The following RBM34 variants were observed in gnomAD, a reference collection of about 807,000 sequenced individuals.
The protein encoded by RBM34 is RNA-binding protein 34.
RBM34 carries 39 observed loss-of-function variants against 44.6 expected under a neutral mutation model. The ratio of observed to expected loss-of-function variants is 0.87; its 90% CI spans 0.68 to 1.14. The LOEUF (loss-of-function observed/expected upper bound fraction) is 1.14, where lower values mean the gene tolerates loss of function less well. RBM34 is among the 50% of genes most tolerant of loss of function. The pLI, the probability that RBM34 is intolerant of heterozygous loss-of-function variation, is 0.00. For missense variants in RBM34, 572 were observed against 517.9 expected, an observed-to-expected ratio of 1.10 and a Z score of -1.01; for synonymous variants, 194 against 184.0, an observed-to-expected ratio of 1.05 and a Z score of -0.44.
Position 235,138,094 on chromosome 1 carries a change from T to C in RBM34, c.782A>G (p.Lys261Arg). The C allele has an allele frequency of 6.2e-7, 1 of 1,604,624 alleles. No individual in the cohort carries two copies. Among genetic ancestry groups the C allele is most frequent in the Non-Finnish European group, 8.5e-7 (1 of 1,174,920 alleles). Residue 261 changes from lysine (K) to arginine (R), a missense_variant, in exon 7 of 11, where the codon AAA becomes AGA. By Grantham distance (26) the Lys-to-Arg change is conservative (BLOSUM62 2). Coordinates refer to ENST00000408888, the MANE Select transcript of RBM34 (RefSeq NM_015014.4). ...KEESAATQALKRNGAQIADGF... is the reference protein window; with the variant it reads ...KEESAATQALRRNGAQIADGF... ...CAAACCTAAGGGATAAAATTACCTTTTCAATGCTTGCGTGGCAGCACTCTC... is the reference window on the plus strand; with the variant it reads ...CAAACCTAAGGGATAAAATTACCTTCTCAATGCTTGCGTGGCAGCACTCTC...
chr1:235,148,742 G>A (rs1457220641), intron 5 of RBM34, among the ~76,000 whole-genome samples: 2 of 151,926 alleles, frequency 1.3e-5, no homozygotes, highest in Non-Finnish European at 2.9e-5. Flanking sequence ...GGGACTACAG[G>A]CGCCCGCCAC....
rs1399874062 is a variant in RBM34 at position 235,155,074 on chromosome 1, A to T, written c.404T>A (p.Ile135Asn). The stretch of plus-strand genomic sequence containing the variant: ...CCTTTTCTGCCCTTGTTTCTGGTGA[A>T]TTTCTTCTTCTAAATCAGCACTCGC... ...ALASADLEEE[I>N]HQKQGQKRKN... Residue 135 changes from isoleucine to asparagine, a missense_variant, in exon 4 of 11, where the codon ATT (isoleucine) becomes AAT (asparagine). Physicochemically the swap from Ile to Asn is moderately radical, Grantham distance 149. Transcript: ENST00000408888. The T allele has an allele frequency of 3.7e-6, 6 of 1,613,724 alleles. No individual in the cohort carries two copies. The Admixed American group carries it at 1.0e-4, about 27-fold the overall frequency.
chr1:235,139,797 G>A (rs544797817), intron 6 of RBM34, among the ~76,000 whole-genome samples: 1 of 152,352 alleles, frequency 6.6e-6, no homozygotes, highest in East Asian at 1.9e-4. Context: ...CCTCCAATGA[G>A]AGACAGAGGA....
At chr1:235,151,079 T>C (rs77431859) in intron 5 of RBM34, among the ~76,000 whole-genome samples, 2,994 of 152,250 alleles carry the variant, frequency 0.02, 239 homozygotes, top group East Asian at 0.2. Flanking sequence ...GGAACTACAA[T>C]AGGCCTCTGC....
chr1:235,156,792 T>C, intron 3 of RBM34: 1 of 328,882 alleles, frequency 3.0e-6, no homozygotes, highest in South Asian at 2.6e-5. Flanking sequence ...GCTCTGAGGA[T>C]ACAAAGATAA....
chr1:235,135,044 G>A (rs555747997), intron 10 of RBM34, among the ~76,000 whole-genome samples: 163 of 147,656 alleles, frequency 1.1e-3, no homozygotes, highest in African/African-American at 3.9e-3. Context: ...ACATCTGGCC[G>A]GTTTGTTTTT....
At chr1:235,150,489 G>A (rs957553884) in intron 5 of RBM34, among the ~76,000 whole-genome samples, 1 of 152,134 alleles carries the variant, frequency 6.6e-6, no homozygotes, top group Non-Finnish European at 1.5e-5. Flanking sequence ...CTTTGAAGAA[G>A]GGACATTTTT....
chr1:235,148,315 A>T, intron 6 of RBM34, 89 bp downstream of exon 6: 1 of 949,162 alleles, frequency 1.1e-6, no homozygotes, highest in South Asian at 1.8e-5. Flanking sequence ...TATTAATAAA[A>T]TCTATGCAAT....
chr1:235,157,508 A>G (rs889214563), intron 3 of RBM34, among the ~76,000 whole-genome samples: 6 of 152,258 alleles, frequency 3.9e-5, no homozygotes, highest in Middle Eastern at 3.4e-3. Context: ...CTGGTGGTAC[A>G]TATGGAATAA....
chr1:235,159,348 G>A (rs1486649201), intron 3 of RBM34, among the ~76,000 whole-genome samples: 8 of 151,818 alleles, frequency 5.3e-5, no homozygotes, highest in Non-Finnish European at 1.0e-4. Context: ...TCAAGAGTTC[G>A]AGACCAGACT....
At chr1:235,147,977 C>A (rs1661976618) in intron 6 of RBM34, among the ~76,000 whole-genome samples, 1 of 152,056 alleles carries the variant, frequency 6.6e-6, no homozygotes, top group African/African-American at 2.4e-5. Context: ...AACAAGCCAC[C>A]ACCAGTGTGG....
At chr1:235,144,301 T>C (rs201410570) in intron 6 of RBM34, among the ~76,000 whole-genome samples, 1 of 88,294 alleles carries the variant, frequency 1.1e-5, no homozygotes, top group Non-Finnish European at 3.0e-5. Flanking sequence ...AACTAACACA[T>C]AGAGACAGAA....
intron 3 of RBM34, among the ~76,000 whole-genome samples, chr1:235,158,630 C>A (rs1662555421): frequency 6.6e-6 from 1 of 151,868 alleles, no homozygotes; most frequent in South Asian, 2.1e-4. Context: ...TTAAATAGGA[C>A]AAAAAGTAGC....
intron 8 of RBM34, 75 bp downstream of exon 8, chr1:235,137,802 T>G (rs1446912416): frequency 8.3e-7 from 1 of 1,209,222 alleles, no homozygotes; most frequent in Non-Finnish European, 1.2e-6. Context: ...TCCAGTCCCC[T>G]TCCAGGAAAA....
intron 6 of RBM34, among the ~76,000 whole-genome samples, chr1:235,140,352 T>C (rs1468253298): frequency 6.6e-6 from 1 of 152,066 alleles, no homozygotes; most frequent in East Asian, 1.9e-4. Flanking sequence ...CAGGTGGGCG[T>C]GGGCTTGGCG....
intron 4 of RBM34, 85 bp downstream of exon 4, chr1:235,154,796 T>C: frequency 1.9e-6 from 2 of 1,045,254 alleles, no homozygotes; most frequent in Non-Finnish European, 2.9e-6. Flanking sequence ...TGAAGTTATA[T>C]CCATGACTTA....
intron 5 of RBM34, among the ~76,000 whole-genome samples, chr1:235,149,214 C>G (rs1305106663): frequency 6.6e-6 from 1 of 151,494 alleles, no homozygotes; most frequent in Non-Finnish European, 1.5e-5. Flanking sequence ...CGGTGAAACC[C>G]CATCTCTACT....
intron 6 of RBM34, among the ~76,000 whole-genome samples, chr1:235,147,735 A>G (rs946691819): frequency 1.3e-5 from 2 of 152,228 alleles, no homozygotes; most frequent in African/African-American, 2.4e-5. Flanking sequence ...AAATGTTTCT[A>G]AAGTACATTA....
intron 10 of RBM34, among the ~76,000 whole-genome samples, chr1:235,133,963 A>T (rs1292694485): frequency 6.6e-6 from 1 of 152,166 alleles, no homozygotes; most frequent in East Asian, 1.9e-4. Context: ...CCCGTACTTA[A>T]GCAATCCTCC....
Sources: gnomAD v4.1 joint callset for allele counts (sites outside exome capture counted in the v4.1 genomes callset) on GRCh38, gnomAD v4.1.1 for gene constraint, MANE v1.5 for transcripts, NCBI Gene and HGNC (gene_info 2026-07-23, HGNC 2026-07-21) for gene names.